Variants in TBC1D14 observed in about 807,000 individuals in gnomAD.
TBC1D14 encodes the protein TBC1 domain family member 14.
Under a neutral mutation model 79.0 loss-of-function variants are expected in TBC1D14, and 26 were observed. The observed-to-expected ratio is 0.33, with a 90% CI of 0.24 to 0.46. The LOEUF (loss-of-function observed/expected upper bound fraction) is 0.46, where lower values mean the gene tolerates loss of function less well. Ranked by LOEUF, TBC1D14 falls within the 20% of genes least tolerant of loss-of-function variation. The pLI is 1.00. For synonymous variants in TBC1D14, 394 were observed against 349.9 expected (o/e 1.13, Z -1.40); for missense variants, 769 against 887.6 (o/e 0.87, Z 1.70).
At chr4:6,968,086 C>T (rs1055728023) in intron 3 of TBC1D14, among the ~76,000 whole-genome samples, 2 of 152,182 alleles carry the variant, frequency 1.3e-5, no homozygotes, top group Non-Finnish European at 2.9e-5. Context: ...TCAGCCGGCT[C>T]GGCATCCTAA....
At chr4:6,974,982 G>C (rs1716586559) in intron 3 of TBC1D14, among the ~76,000 whole-genome samples, 1 of 151,778 alleles carries the variant, frequency 6.6e-6, no homozygotes, top group Non-Finnish European at 1.5e-5. Context: ...TGTGATCTCA[G>C]CTCACTGCAA....
At chr4:7,003,463 G>A (rs1159804354) in intron 7 of TBC1D14, among the ~76,000 whole-genome samples, 1 of 152,212 alleles carries the variant, frequency 6.6e-6, no homozygotes, top group Non-Finnish European at 1.5e-5. Context: ...TGTCCTGGGA[G>A]CATGCGTGCT....
At chr4:6,982,892 C>G (rs1717505652) in intron 3 of TBC1D14, among the ~76,000 whole-genome samples, 2 of 152,150 alleles carry the variant, frequency 1.3e-5, no homozygotes, top group South Asian at 4.1e-4. Context: ...AGGGTACTTA[C>G]AAAATAGCTA....
rs569932669 is a variant in TBC1D14, at chr4:6,919,398, G to A, written c.-17-3975G>A. Among the ~76,000 whole-genome samples, 19 of 151,994 alleles carry A rather than the reference G, an allele frequency of 1.3e-4. No individual in the cohort carries two copies. The South Asian group carries it at 3.1e-3, about 25-fold the overall frequency. ...TGACCTCAGGTGATCCGCCCGTCTCGGCCTCCCAAAGTGTTGGGATTACTG... is the reference window on the plus strand; with the variant it reads ...TGACCTCAGGTGATCCGCCCGTCTCAGCCTCCCAAAGTGTTGGGATTACTG... On this transcript the variant is annotated intron_variant, in intron 1 of 13. Transcript: ENST00000409757.
chr4:6,967,966 C>G (rs1331006884), intron 3 of TBC1D14, among the ~76,000 whole-genome samples: 1 of 152,176 alleles, frequency 6.6e-6, no homozygotes, highest in East Asian at 1.9e-4. Flanking sequence ...TTGCTCCTTA[C>G]GGTGGGAGAG....
intron 13 of TBC1D14, among the ~76,000 whole-genome samples, chr4:7,029,283 AAAGT>A (rs1361149381): frequency 1.3e-5 from 2 of 152,244 alleles, no homozygotes; most frequent in Non-Finnish European, 2.9e-5. Flanking sequence ...TTTGTGACTC[AAAGT>A]GGCATGGTTC....
intron 2 of TBC1D14, among the ~76,000 whole-genome samples, chr4:6,928,482 CT>C (rs1250345152): frequency 2.0e-5 from 3 of 152,144 alleles, no homozygotes; most frequent in Non-Finnish European, 4.4e-5. Flanking sequence ...CACTTAGCCC[CT>C]GCGATCGCCA....
chr4:6,989,462 T>G (rs952026963), intron 3 of TBC1D14, among the ~76,000 whole-genome samples: 1 of 152,228 alleles, frequency 6.6e-6, no homozygotes, highest in East Asian at 1.9e-4. Flanking sequence ...AGCCCACGTC[T>G]TACCTGTCTG....
Position 6,961,801 on chromosome 4 carries a change from G to C in TBC1D14, c.723-5503G>C, listed in dbSNP as rs547044452. ...GGCAAGGCAGGCACACCTGGGGCGC[G>C]ACTGGCATCTGTCTGCAGGGTGTAT... On this transcript the variant is annotated intron_variant, in intron 2 of 13. Coordinates refer to ENST00000409757, the MANE Select transcript of TBC1D14 (RefSeq NM_020773.3). Among the ~76,000 whole-genome samples, 9 of 152,268 alleles carry C rather than the reference G, an allele frequency of 5.9e-5. No individual in the cohort carries two copies. The East Asian group carries it at 1.7e-3, about 29-fold the overall frequency.
intron 2 of TBC1D14, among the ~76,000 whole-genome samples, chr4:6,960,167 C>T (rs952767732): frequency 2.0e-5 from 3 of 150,768 alleles, no homozygotes; most frequent in Non-Finnish European, 2.9e-5. Flanking sequence ...CTGCAACCTC[C>T]GCCTCCGGGG....
chr4:6,924,141 G>A (rs755601723), intron 2 of TBC1D14, 30 bp downstream of exon 2: 16 of 1,587,730 alleles, frequency 1.0e-5, no homozygotes, highest in Admixed American at 5.1e-5. Context: ...CTAGAAGATC[G>A]TGGTGGTTGA....
rs1226835437 is a variant in TBC1D14 at position 6,967,220 on chromosome 4, T to C, written c.723-84T>C. On this transcript the variant is annotated intron_variant, in intron 2 of 13. Coordinates refer to ENST00000409757, the MANE Select transcript of TBC1D14 (RefSeq NM_020773.3). ...ACGTGGTTCTCAGAGGAAAGCTGACTTGTTTTTATTAGAGTGGTTCTGCTG... is the reference window on the plus strand; with the variant it reads ...ACGTGGTTCTCAGAGGAAAGCTGACCTGTTTTTATTAGAGTGGTTCTGCTG... 2.0e-6 allele frequency: 3 copies of C among 1,536,612 alleles called. No homozygotes were observed. The Admixed American group carries it at 6.2e-5, about 32-fold the overall frequency.
rs546261469 is a variant in TBC1D14, at chr4:6,974,513, C to T, written c.843+7089C>T. On this transcript the variant is annotated intron_variant, in intron 3 of 13. Coordinates refer to ENST00000409757, the MANE Select transcript of TBC1D14 (RefSeq NM_020773.3). ...CCCAGATCTGACGCTGAGTAGCTTA[C>T]GTAGACTTGGAGAACTCATCTCTGG... is the stretch of plus-strand genomic sequence containing the variant. Among the ~76,000 whole-genome samples, 11 of 152,282 alleles carry T rather than the reference C, an allele frequency of 7.2e-5. No homozygotes were observed. In the South Asian group the frequency reaches 8.3e-4, roughly 11 times the overall value.
At chr4:6,920,673 C>G (rs74875157) in intron 1 of TBC1D14, among the ~76,000 whole-genome samples, 2 of 152,202 alleles carry the variant, frequency 1.3e-5, no homozygotes, top group African/African-American at 4.8e-5. Flanking sequence ...TCTTGTGGTA[C>G]TTGATTTAAT....
Position 7,009,896 on chromosome 4 carries a change from T to A in TBC1D14, c.1466T>A (p.Met489Lys), listed in dbSNP as rs766427391. ...TTTTAGGGTGGTCCATATCATGACATGTTGCACAGTATTTTGGGCGCTTAT... is the reference window on the plus strand; with the variant it reads ...TTTTAGGGTGGTCCATATCATGACAAGTTGCACAGTATTTTGGGCGCTTAT... ...IFQQGGPYHDMLHSILGAYTC... is the reference protein window; with the variant it reads ...IFQQGGPYHDKLHSILGAYTC... The change falls in exon 10 of 14, where the codon ATG (methionine) becomes AAG (lysine). Residue 489 changes from methionine to lysine, a missense_variant. Met to Lys is a moderately conservative substitution (Grantham distance 95). Coordinates refer to ENST00000409757, the MANE Select transcript of TBC1D14 (RefSeq NM_020773.3). 1 of 1,614,244 alleles carries A rather than the reference T, an allele frequency of 6.2e-7. No individual in the cohort carries two copies. The highest frequency in any genetic ancestry group is 2.2e-5 in the East Asian group (1 of 44,888).
chr4:6,914,900 G>A (rs1004180740), intron 1 of TBC1D14, among the ~76,000 whole-genome samples: 10 of 152,136 alleles, frequency 6.6e-5, no homozygotes, highest in East Asian at 1.9e-4. Context: ...TTAGCCGGGC[G>A]TGGTGGTGGG....
At chr4:6,961,415 G>T (rs1435358980) in intron 2 of TBC1D14, among the ~76,000 whole-genome samples, 2 of 152,216 alleles carry the variant, frequency 1.3e-5, no homozygotes, top group African/African-American at 4.8e-5. Flanking sequence ...TGCCATGGGG[G>T]AGCTGAGCTG....
intron 2 of TBC1D14, among the ~76,000 whole-genome samples, chr4:6,945,437 T>C (rs67245546): frequency 0.12 from 17,817 of 152,084 alleles, 1,549 homozygotes; most frequent in African/African-American, 0.24. Context: ...AAAGGAGTTA[T>C]CTTAAATTCA....
At chr4:6,937,932 C>G (rs963694258) in intron 2 of TBC1D14, among the ~76,000 whole-genome samples, 1 of 151,988 alleles carries the variant, frequency 6.6e-6, no homozygotes, top group African/African-American at 2.4e-5. Context: ...CCACGTCTGA[C>G]GTAGGCTCCC....
Sources: gnomAD v4.1 joint callset for allele counts (sites outside exome capture counted in the v4.1 genomes callset) on GRCh38, gnomAD v4.1.1 for gene constraint, MANE v1.5 for transcripts, NCBI Gene and HGNC (gene_info 2026-07-23, HGNC 2026-07-21) for gene names.